LRRTM4: variants seen among roughly 807,000 people sequenced by gnomAD.
The protein encoded by LRRTM4 is leucine-rich repeat transmembrane neuronal protein 4.
In LRRTM4, 25 loss-of-function variants were observed where a neutral mutation model predicts 47.6. The ratio of observed to expected loss-of-function variants is 0.53; its 90% CI spans 0.38 to 0.73. The LOEUF (loss-of-function observed/expected upper bound fraction) is 0.73, where lower values mean the gene tolerates loss of function less well. LRRTM4 is among the 30% of genes least tolerant of loss of function. The probability of loss-of-function intolerance (pLI) is 0.00; values close to 1 mark genes in which losing one functional copy is unlikely to be tolerated. For synonymous variants in LRRTM4, 311 were observed against 269.5 expected, an observed-to-expected ratio of 1.15 and a Z score of -1.51; for missense variants, 638 against 713.4, an observed-to-expected ratio of 0.89 and a Z score of 1.20.
At chr2:77,304,046 A>G (rs753140365) in intron 3 of LRRTM4, among the ~76,000 whole-genome samples, 1 of 152,158 alleles carries the variant, frequency 6.6e-6, no homozygotes, top group Non-Finnish European at 1.5e-5. Flanking sequence ...GGTTTTCATA[A>G]TGGCTTTATT....
chr2:77,457,569 T>C (rs1027615080), intron 3 of LRRTM4, among the ~76,000 whole-genome samples: 1 of 151,764 alleles, frequency 6.6e-6, no homozygotes, highest in African/African-American at 2.4e-5. Flanking sequence ...CTTGAAAACG[T>C]TCCAATAGTT....
chr2:76,871,250 CTG>C (rs1672614868), intron 3 of LRRTM4, among the ~76,000 whole-genome samples: 2 of 152,050 alleles, frequency 1.3e-5, no homozygotes, highest in Non-Finnish European at 2.9e-5. Flanking sequence ...CTTCAAACTG[CTG>C]TGTCTGATGT....
intron 3 of LRRTM4, among the ~76,000 whole-genome samples, chr2:77,297,411 T>G (rs182800868): frequency 6.6e-6 from 1 of 152,352 alleles, no homozygotes; most frequent in Admixed American, 6.5e-5. Context: ...TGCTCTATTG[T>G]GCCTCTAATG....
chr2:77,362,622 G>A (rs1048006521), intron 3 of LRRTM4, among the ~76,000 whole-genome samples: 30 of 152,132 alleles, frequency 2.0e-4, no homozygotes, highest in African/African-American at 6.0e-4. Flanking sequence ...GGACTGGTCC[G>A]ATTCGTCTTT....
At chr2:76,887,989 C>G (rs923391138) in intron 3 of LRRTM4, among the ~76,000 whole-genome samples, 2 of 150,316 alleles carry the variant, frequency 1.3e-5, no homozygotes, top group Admixed American at 1.3e-4. Context: ...TTTATATATA[C>G]TCTTAATATC....
intron 3 of LRRTM4, among the ~76,000 whole-genome samples, chr2:76,782,601 T>A (rs1674462666): frequency 6.6e-6 from 1 of 152,244 alleles, no homozygotes; most frequent in Admixed American, 6.5e-5. Flanking sequence ...TTTGTTTACA[T>A]TTTTTAAACT....
At chr2:76,991,328 A>C (rs1677001870) in intron 3 of LRRTM4, among the ~76,000 whole-genome samples, 1 of 151,756 alleles carries the variant, frequency 6.6e-6, no homozygotes, top group Non-Finnish European at 1.5e-5. Flanking sequence ...AGACTCAAAA[A>C]TTCATACAAA....
rs1487098366 is a variant in LRRTM4, at chr2:76,829,304, G to C, written c.1552-80388C>G. 2.0e-5 allele frequency among the ~76,000 whole-genome samples: 3 copies of C among 151,890 alleles called. No individual in the cohort carries two copies. In the South Asian group the frequency reaches 6.2e-4, roughly 31 times the overall value. On this transcript the variant is annotated intron_variant, in intron 3 of 3. Transcript: ENST00000409884. ...GTATAAGGCTCCTCGAGTGCAGGAA[G>C]AACTAGAAGTAGGAAAAAAAGGGGA...
At chr2:77,457,546 T>C (rs1003238248) in intron 3 of LRRTM4, among the ~76,000 whole-genome samples, 5 of 152,064 alleles carry the variant, frequency 3.3e-5, no homozygotes, top group African/African-American at 9.7e-5. Context: ...AATTACATCA[T>C]ATATCTATCC....
At chr2:77,163,908 G>A (rs768603680) in intron 3 of LRRTM4, among the ~76,000 whole-genome samples, 2 of 152,124 alleles carry the variant, frequency 1.3e-5, no homozygotes, top group Non-Finnish European at 2.9e-5. Context: ...CAATTAATGA[G>A]CAAAATAACC....
intron 2 of LRRTM4, among the ~76,000 whole-genome samples, chr2:77,521,386 G>C (rs72813118): frequency 0.11 from 16,628 of 151,776 alleles, 1,027 homozygotes; most frequent in Non-Finnish European, 0.13. Flanking sequence ...ATCTCCTTCT[G>C]AATTCCCAAG....
At chr2:77,039,140 A>G (rs1424560301) in intron 3 of LRRTM4, among the ~76,000 whole-genome samples, 2 of 151,322 alleles carry the variant, frequency 1.3e-5, no homozygotes, top group Non-Finnish European at 3.0e-5. Flanking sequence ...AAGAAAAAAT[A>G]AGATATTACA....
chr2:77,271,185 G>C (rs769397309), intron 3 of LRRTM4, among the ~76,000 whole-genome samples: 15 of 152,152 alleles, frequency 9.9e-5, no homozygotes, highest in Non-Finnish European at 1.9e-4. Flanking sequence ...ATTCTTCTTG[G>C]ACGCCAGACA....
rs538642924 is a variant in LRRTM4, at chr2:77,384,598, A to G, written c.1551+133720T>C. On this transcript the variant is annotated intron_variant, in intron 3 of 3. Coordinates refer to ENST00000409884, the MANE Select transcript of LRRTM4 (RefSeq NM_001134745.3). ...ACCAAAATAAAATGAAAAAAATGGC[A>G]TTTAGAAATTGAAACTGAAAGATCA... 3.9e-5 allele frequency among the ~76,000 whole-genome samples: 6 copies of G among 152,154 alleles called. No individual in the cohort carries two copies. The South Asian group carries it at 1.2e-3, about 32-fold the overall frequency.
In LRRTM4 at chr2:76,807,093, T is replaced by C. The variant is rs529511201; in HGVS notation, c.1552-58177A>G. Among the ~76,000 whole-genome samples, 4 of 152,160 alleles carry C rather than the reference T, an allele frequency of 2.6e-5. No homozygotes were observed. In the South Asian group the frequency reaches 8.3e-4, roughly 32 times the overall value. Reference sequence around the variant, plus strand: ...GGCTGCTTCTACATTCATGGGTGTGTGTTAACTGCTACAAACCTACCCCAA... The same window carrying C: ...GGCTGCTTCTACATTCATGGGTGTGCGTTAACTGCTACAAACCTACCCCAA... On this transcript the variant is annotated intron_variant, in intron 3 of 3. Coordinates refer to ENST00000409884, the MANE Select transcript of LRRTM4 (RefSeq NM_001134745.3).
chr2:77,072,769 A>AG (rs1464428237), intron 3 of LRRTM4, among the ~76,000 whole-genome samples: 2 of 127,862 alleles, frequency 1.6e-5, no homozygotes, highest in African/African-American at 6.1e-5. Context: ...ACTTCACTCC[A>AG]GCCTGGGCGA....
At chr2:77,288,625 C>T (rs138602630) in intron 3 of LRRTM4, among the ~76,000 whole-genome samples, 115 of 152,150 alleles carry the variant, frequency 7.6e-4, no homozygotes, top group African/African-American at 2.5e-3. Context: ...TTCATAAGCA[C>T]GCATCCAGGC....
chr2:77,242,457 C>T (rs572155019), intron 3 of LRRTM4, among the ~76,000 whole-genome samples: 3 of 151,966 alleles, frequency 2.0e-5, no homozygotes, highest in Non-Finnish European at 4.4e-5. Flanking sequence ...ATTTTAAAAA[C>T]TCCTACAACT....
chr2:76,851,478 C>G (rs904871868), intron 3 of LRRTM4, among the ~76,000 whole-genome samples: 1 of 152,094 alleles, frequency 6.6e-6, no homozygotes, highest in Non-Finnish European at 1.5e-5. Flanking sequence ...CCTAAAAGAT[C>G]TAAAGATAAA....
Sources: allele counts gnomAD v4.1 joint callset (sites outside exome capture counted in the v4.1 genomes callset), GRCh38; gene constraint gnomAD v4.1.1; transcripts MANE v1.5; gene names NCBI Gene and HGNC (gene_info 2026-07-23, HGNC 2026-07-21).